TBC1D26: variants seen among roughly 807,000 people sequenced by gnomAD.
TBC1D26 encodes TBC1 domain family, member 26.
TBC1D26 carries 19 observed loss-of-function variants against 42.5 expected under a neutral mutation model. That is an observed-to-expected ratio of 0.45 (90% CI 0.31 to 0.66). TBC1D26 has a LOEUF of 0.66. TBC1D26 is among the 30% of genes least tolerant of loss of function. The pLI, the probability that TBC1D26 is intolerant of heterozygous loss-of-function variation, is 0.06. For missense variants in TBC1D26, 228 were observed against 332.6 expected (o/e 0.69, Z 2.45); for synonymous variants, 97 against 123.5 (o/e 0.79, Z 1.42).
At chr17:15,734,331 T>A (rs1967553550) in intron 1 of TBC1D26, among the ~76,000 whole-genome samples, 1 of 152,122 alleles carries the variant, frequency 6.6e-6, no homozygotes, top group Admixed American at 6.5e-5. Flanking sequence ...GGTCCAAGTC[T>A]GTGCCCTAAG....
intron 10 of TBC1D26, chr17:15,741,736 C>T (rs1967787753): frequency 3.5e-6 from 2 of 577,522 alleles, no homozygotes; most frequent in Admixed American, 3.2e-5. Context: ...AGGCTGCCCT[C>T]CTGGCACCTG....
intron 14 of TBC1D26, 38 bp downstream of exon 14, chr17:15,743,554 C>T (rs1967848882): frequency 2.2e-6 from 2 of 912,712 alleles, no homozygotes; most frequent in Non-Finnish European, 2.6e-6. Context: ...GAGTCACCCT[C>T]TGGGGCAGTC....
intron 2 of TBC1D26, 90 bp from the exon 3 acceptor site, chr17:15,735,258 G>A (rs573174294): frequency 2.0e-5 from 22 of 1,105,572 alleles, no homozygotes; most frequent in East Asian, 7.1e-5. Context: ...TCACCAGACT[G>A]GAGTGTGTCT....
At chr17:15,736,134 G>C (rs1400820581) in intron 4 of TBC1D26, among the ~76,000 whole-genome samples, 2 of 152,194 alleles carry the variant, frequency 1.3e-5, no homozygotes, top group Non-Finnish European at 2.9e-5. Flanking sequence ...GGGACAGTGA[G>C]GGCCTTGGCC....
chr17:15,741,937 C>T lies in TBC1D26; in HGVS notation c.647-5C>T. ...TGATGGGGTGATGGGTCGCGGGCTT[C>T]TCAGTATTCTACAGCCCAAATACTG... On this transcript the variant is annotated splice_polypyrimidine_tract_variant and splice_region_variant and intron_variant, in intron 10 of 14. Coordinates refer to ENST00000437605, the MANE Select transcript of TBC1D26 (RefSeq NM_001388465.1). The T allele has an allele frequency of 6.2e-7, 1 of 1,613,882 alleles. No homozygotes were observed. Among genetic ancestry groups the T allele is most frequent in the Non-Finnish European group, 8.5e-7 (1 of 1,179,848 alleles).
At chr17:15,736,915 TG>T (rs1216121382) in intron 4 of TBC1D26, among the ~76,000 whole-genome samples, 62 of 152,070 alleles carry the variant, frequency 4.1e-4, no homozygotes, top group African/African-American at 1.4e-3. Flanking sequence ...CTGGGCAGGA[TG>T]GGGGAAGATG....
intron 12 of TBC1D26, among the ~76,000 whole-genome samples, 192 bp downstream of exon 12, chr17:15,742,671 G>C (rs778006216): frequency 6.6e-6 from 1 of 152,228 alleles, no homozygotes; most frequent in Non-Finnish European, 1.5e-5. Context: ...GACCCGACTT[G>C]CGAGGGCCCA....
chr17:15,742,142 G>T (rs1259089988), intron 11 of TBC1D26, 106 bp downstream of exon 11: 2 of 899,954 alleles, frequency 2.2e-6, no homozygotes, highest in Non-Finnish European at 3.4e-6. Flanking sequence ...TCCCAGCCAC[G>T]GCCTGACCTG....
At chr17:15,739,101 T>C (rs973975780) in intron 8 of TBC1D26, among the ~76,000 whole-genome samples, 27 of 147,932 alleles carry the variant, frequency 1.8e-4, no homozygotes, top group Non-Finnish European at 3.0e-4. Flanking sequence ...TGAAAAGTGC[T>C]CTCCATGACC....
chr17:15,742,360 G>A (rs1967812205), intron 11 of TBC1D26, 54 bp from the exon 12 acceptor site: 2 of 406,672 alleles, frequency 4.9e-6, no homozygotes, highest in Non-Finnish European at 9.1e-6. Flanking sequence ...CCTGGAAGTG[G>A]GAGGATTTCA....
intron 8 of TBC1D26, among the ~76,000 whole-genome samples, chr17:15,739,794 G>A (rs1388367283): frequency 1.3e-5 from 2 of 152,286 alleles, no homozygotes; most frequent in African/African-American, 2.4e-5. Flanking sequence ...GTTCAGAACC[G>A]TGGAACTGCA....
rs1967865407 is a variant in TBC1D26 at position 15,744,349 on chromosome 17, C to T, written c.1164C>T (p.His388=). 1 of 152,254 alleles carries T rather than the reference C, an allele frequency of 6.6e-6. No homozygotes were observed. The highest frequency in any genetic ancestry group is 2.4e-5 in the African/African-American group (1 of 41,454). The allele number at this position is 152,254 out of a possible 1,614,324, so 9.4% of individuals were successfully genotyped here. A position where few individuals can be genotyped will look rare whatever the true frequency, so the allele number is the denominator to read the frequency against. Residue 388 remains histidine (H), a synonymous_variant, in exon 15 of 15, where the codon CAC becomes CAT. Transcript: ENST00000437605. ...TSRASGDFHA[H]PSQKALLNPG... is the part of the protein sequence containing the mutation. Reference sequence around the variant, plus strand: ...GGGCCTCAGGTGACTTTCATGCACACCCAAGTCAGAAGGCTCTCCTGAATC... The same window carrying T: ...GGGCCTCAGGTGACTTTCATGCACATCCAAGTCAGAAGGCTCTCCTGAATC...
intron 8 of TBC1D26, among the ~76,000 whole-genome samples, chr17:15,739,688 A>G (rs1468146066): frequency 6.6e-6 from 1 of 152,294 alleles, no homozygotes. Context: ...CAGAGCCGGG[A>G]GACGTTGGCT....
intron 4 of TBC1D26, among the ~76,000 whole-genome samples, chr17:15,737,256 A>G (rs567074896): frequency 1.3e-4 from 20 of 152,350 alleles, no homozygotes; most frequent in Non-Finnish European, 7.3e-5. Flanking sequence ...ACGGGCTTCA[A>G]GTGTCCCCCC....
intron 10 of TBC1D26, chr17:15,741,441 C>A: frequency 2.7e-6 from 2 of 737,462 alleles, no homozygotes; most frequent in Admixed American, 3.0e-5. Context: ...GCTTTCATCC[C>A]TAACATCAGA....
At chr17:15,739,459 G>T (rs1967712614) in intron 8 of TBC1D26, among the ~76,000 whole-genome samples, 3 of 152,290 alleles carry the variant, frequency 2.0e-5, no homozygotes, top group African/African-American at 7.2e-5. Context: ...ATGGGAACTA[G>T]GGAGGAAGGG....
intron 14 of TBC1D26, 64 bp downstream of exon 14, chr17:15,743,580 C>T (rs1487423379): frequency 6.2e-6 from 4 of 644,566 alleles, no homozygotes; most frequent in Non-Finnish European, 7.8e-6. Flanking sequence ...TGGGGAGTGC[C>T]GTGGCCCCGC....
chr17:15,744,119 G>A (rs1967860831), intron 14 of TBC1D26, 124 bp from the exon 15 acceptor site: 1 of 152,170 alleles, frequency 6.6e-6, no homozygotes, highest in Non-Finnish European at 1.5e-5. Context: ...GCTGGGAGAA[G>A]ATGTCATAAA....
At chr17:15,737,301 A>G (rs1403033463) in intron 4 of TBC1D26, among the ~76,000 whole-genome samples, 183 bp from the exon 5 acceptor site, 1 of 152,248 alleles carries the variant, frequency 6.6e-6, no homozygotes, top group Non-Finnish European at 1.5e-5. Flanking sequence ...TTCTTCTCCA[A>G]GGTCCCAGTG....
Sources: gnomAD v4.1 joint callset for allele counts (sites outside exome capture counted in the v4.1 genomes callset) on GRCh38, gnomAD v4.1.1 for gene constraint, MANE v1.5 for transcripts, NCBI Gene and HGNC (gene_info 2026-07-23, HGNC 2026-07-21) for gene names.